Variants in GRB2 observed in about 807,000 individuals in gnomAD.
GRB2 encodes growth factor receptor-bound protein 2.
GRB2 carries 2 observed loss-of-function variants against 27.4 expected under a neutral mutation model. The observed-to-expected ratio is 0.07, with a 90% CI of 0.03 to 0.23. The LOEUF is 0.23. Among genes scored for constraint, GRB2 ranks in the 10% least tolerant of loss-of-function variants. The pLI is 1.00. For synonymous variants in GRB2, 94 were observed against 99.6 expected, an observed-to-expected ratio of 0.94 and a Z score of 0.33; for missense variants, 102 against 282.4, an observed-to-expected ratio of 0.36 and a Z score of 4.58.
chr17:75,404,769 C>G (rs993188530), intron 1 of GRB2: 8 of 152,160 alleles, frequency 5.3e-5, no homozygotes, highest in African/African-American at 1.9e-4. Flanking sequence ...CCCCTGCAAA[C>G]TGCACTTTCA....
At chr17:75,395,104 C>A (rs2079021729) in intron 1 of GRB2, 1 of 152,142 alleles carries the variant, frequency 6.6e-6, no homozygotes. Context: ...GATTATTATT[C>A]CTTTGTTCTA....
chr17:75,335,048 C>T (rs2145828104), intron 2 of GRB2, among the ~76,000 whole-genome samples: 1 of 152,154 alleles, frequency 6.6e-6, no homozygotes, highest in Admixed American at 6.5e-5. Context: ...CAAGTATCCT[C>T]CTGCCTCAGC....
chr17:75,379,417 A>C lies in GRB2; in HGVS notation c.78+14134T>G, dbSNP rs8075267. On this transcript the variant is annotated intron_variant, in intron 2 of 5. Transcript: ENST00000316804. ...TGATTTCTTAAAAAAAAAAAAAAGA[A>C]AGACAGGGTCACACACTGTCACCCA... Among the ~76,000 whole-genome samples the C allele has an allele frequency of 8.7e-3, 1,280 of 146,490 alleles. 20 individuals are homozygous for C. Among genetic ancestry groups the C allele is most frequent in the African/African-American group, 0.03 (1,228 of 40,998 alleles).
intron 2 of GRB2, among the ~76,000 whole-genome samples, chr17:75,337,977 C>A (rs2078592583): frequency 6.7e-6 from 1 of 149,626 alleles, no homozygotes; most frequent in African/African-American, 2.5e-5. Context: ...GTTGCCCAGG[C>A]TGGAGTGCAG....
intron 3 of GRB2, among the ~76,000 whole-genome samples, chr17:75,331,854 T>C (rs985927208): frequency 3.3e-5 from 5 of 152,242 alleles, no homozygotes; most frequent in African/African-American, 9.6e-5. Flanking sequence ...ACACAAATTA[T>C]GTGGCTTATA....
intron 2 of GRB2, among the ~76,000 whole-genome samples, chr17:75,365,677 G>C (rs565588626): frequency 5.3e-5 from 8 of 152,242 alleles, no homozygotes; most frequent in Non-Finnish European, 1.2e-4. Context: ...ATGGAACTAT[G>C]GGGGATAGAA....
At chr17:75,392,512 G>A (rs762626619) in intron 2 of GRB2, among the ~76,000 whole-genome samples, 4 of 152,064 alleles carry the variant, frequency 2.6e-5, no homozygotes, top group Non-Finnish European at 2.9e-5. Flanking sequence ...AAGACTGCAC[G>A]TCCTTTTATA....
intron 2 of GRB2, among the ~76,000 whole-genome samples, chr17:75,346,254 G>A (rs1021382950): frequency 6.6e-6 from 1 of 151,574 alleles, no homozygotes. Context: ...AGCACTTTGG[G>A]ATGCCAAGGC....
chr17:75,355,384 A>C (rs1016811735), intron 2 of GRB2, among the ~76,000 whole-genome samples: 3 of 152,134 alleles, frequency 2.0e-5, no homozygotes, highest in African/African-American at 7.2e-5. Flanking sequence ...TTTCTGGAAC[A>C]GTTGTCTATA....
At position 75,329,701 on chromosome 17, in the gene GRB2, C is replaced by A. The variant is rs543420357; in HGVS notation, c.176+2999G>T. Among the ~76,000 whole-genome samples, 3 of 151,944 alleles carry A rather than the reference C, an allele frequency of 2.0e-5. No homozygotes were observed. The East Asian group carries it at 5.8e-4, about 29-fold the overall frequency. On this transcript the variant is annotated intron_variant, in intron 3 of 5. Coordinates refer to ENST00000316804, the MANE Select transcript of GRB2 (RefSeq NM_002086.5). ...TAAGCCCAGTAGATCAAGACCAGCC[C>A]GGGCAACACAGTGAGACCCTGTCTC...
intron 3 of GRB2, 98 bp from the exon 4 acceptor site, chr17:75,326,118 G>A: frequency 7.1e-7 from 1 of 1,407,132 alleles, no homozygotes; most frequent in Non-Finnish European, 9.9e-7. Context: ...CCTTGCCAGA[G>A]GAAGGGGCCT....
chr17:75,386,310 G>T (rs1285777806), intron 2 of GRB2, among the ~76,000 whole-genome samples: 2 of 152,102 alleles, frequency 1.3e-5, no homozygotes, highest in African/African-American at 4.8e-5. Flanking sequence ...GTAGAAACGG[G>T]ATTTCACCAT....
In GRB2 at chr17:75,365,782, C is replaced by T. The variant is rs191810598; in HGVS notation, c.78+27769G>A. Among the ~76,000 whole-genome samples, 883 of 152,144 alleles carry T rather than the reference C, an allele frequency of 5.8e-3. 13 individuals are homozygous for T. Among genetic ancestry groups the T allele is most frequent in the Admixed American group, 0.026 (398 of 15,268 alleles). On this transcript the variant is annotated intron_variant, in intron 2 of 5. Transcript: ENST00000316804. ...AAACAATTAATAACCAGTGGGTGCC[C>T]AGGGGTTGCTCAGGAGCACCAAAAA... is the stretch of plus-strand genomic sequence containing the variant.
intron 2 of GRB2, among the ~76,000 whole-genome samples, chr17:75,392,974 G>C (rs1280531340): frequency 6.6e-6 from 1 of 152,174 alleles, no homozygotes; most frequent in African/African-American, 2.4e-5. Flanking sequence ...AATCTGACTT[G>C]TACAATAGCA....
chr17:75,337,859 C>A (rs1406218338), intron 2 of GRB2, among the ~76,000 whole-genome samples: 1 of 140,946 alleles, frequency 7.1e-6, no homozygotes, highest in South Asian at 2.2e-4. Context: ...AGCCACTGCG[C>A]CCGGCCTACT....
chr17:75,366,703 G>C (rs1018086565), intron 2 of GRB2, among the ~76,000 whole-genome samples: 2 of 152,018 alleles, frequency 1.3e-5, no homozygotes, highest in Non-Finnish European at 2.9e-5. Context: ...TCAGCTACTT[G>C]GGAGGCTGAC....
Position 75,363,684 on chromosome 17 carries a change from C to T in GRB2, c.78+29867G>A, listed in dbSNP as rs538332049. ...ACCATCCTGGCCAACATGGCGAAAC[C>T]CCATCTCTACTAAAAATACAAAAAA... On this transcript the variant is annotated intron_variant, in intron 2 of 5. Transcript: ENST00000316804. Among the ~76,000 whole-genome samples, 77 of 151,526 alleles carry T rather than the reference C, an allele frequency of 5.1e-4. 1 individual carries two copies. Among genetic ancestry groups the T allele is most frequent in the African/African-American group, 1.7e-3 (71 of 41,284 alleles).
intron 2 of GRB2, among the ~76,000 whole-genome samples, chr17:75,365,245 G>A (rs1345444698): frequency 6.6e-6 from 1 of 152,132 alleles, no homozygotes; most frequent in African/African-American, 2.4e-5. Flanking sequence ...CAAGGGGGCA[G>A]AAACGAATGG....
At chr17:75,324,230 T>TAA (rs2078480243) in intron 4 of GRB2, among the ~76,000 whole-genome samples, 1 of 151,966 alleles carries the variant, frequency 6.6e-6, no homozygotes, top group Non-Finnish European at 1.5e-5. Context: ...GACACAGTCT[T>TAA]ACTCTGTCAC....
Sources: allele counts gnomAD v4.1 joint callset (sites outside exome capture counted in the v4.1 genomes callset), GRCh38; gene constraint gnomAD v4.1.1; transcripts MANE v1.5; gene names NCBI Gene and HGNC (gene_info 2026-07-23, HGNC 2026-07-21).